DAZAP1: variants seen among roughly 807,000 people sequenced by gnomAD.
The protein encoded by DAZAP1 is DAZ associated protein 1, also known as DAZ-associated protein 1.
DAZAP1 carries 6 observed loss-of-function variants against 60.1 expected under a neutral mutation model. That is an observed-to-expected ratio of 0.10 (90% CI 0.05 to 0.20). The LOEUF (loss-of-function observed/expected upper bound fraction) is 0.20. Among genes scored for constraint, DAZAP1 ranks in the 10% least tolerant of loss-of-function variants. DAZAP1 has a pLI of 1.00. For missense variants in DAZAP1, 366 were observed against 560.4 expected (o/e 0.65, Z 3.50); for synonymous variants, 235 against 215.9 (o/e 1.09, Z -0.78).
At chr19:1,410,290 G>A (rs1020400694) in intron 1 of DAZAP1, among the ~76,000 whole-genome samples, 3 of 152,180 alleles carry the variant, frequency 2.0e-5, no homozygotes, top group Non-Finnish European at 2.9e-5. Flanking sequence ...AAGCGCATAC[G>A]TGTGGTGGGG....
Position 1,434,971 on chromosome 19 carries a change from TGACAATCACAA to T in DAZAP1, c.*60_*70del. On this transcript the variant is annotated 3_prime_UTR_variant, in exon 12 of 12. Coordinates refer to ENST00000233078, the MANE Select transcript of DAZAP1 (RefSeq NM_018959.4). This position sits in a 1 kb window ranked among gnomAD's most constrained non-coding sequence, Gnocchi z 8.0. The stretch of plus-strand genomic sequence containing the variant: ...CCAGGATTCCAAACTTGTGAACTCG[TGACAATCACAA>T]ACTTGGCGGCAAAGTGGCGACTCAA... 1.0e-6 allele frequency: 1 copy of T among 960,426 alleles called. No homozygotes were observed. The highest frequency in any genetic ancestry group is 1.2e-6 in the Non-Finnish European group (1 of 818,082). 59.5% of individuals were successfully genotyped at this position (960,426 alleles called of 1,614,324 possible).
rs547280839 is a variant in DAZAP1 at position 1,426,902 on chromosome 19, A to G, written c.546+942A>G. The G allele has an allele frequency of 5.3e-5, 8 of 152,256 alleles. No homozygotes were observed. The highest frequency in any genetic ancestry group is 1.7e-4 in the African/African-American group (7 of 41,550). The allele number at this position is 152,256 out of a possible 1,614,324, so 9.4% of individuals were successfully genotyped here. A position where few individuals can be genotyped will look rare whatever the true frequency, so the allele number is the denominator to read the frequency against. ...GACGCTTAGCCCCTCTGACAGGGCC[A>G]TGGTTGTTTTTTCAATTAAAATGTC... On this transcript the variant is annotated intron_variant, in intron 7 of 11. Coordinates refer to ENST00000233078, the MANE Select transcript of DAZAP1 (RefSeq NM_018959.4). The surrounding 1 kb of genome is among the most constrained non-coding windows in gnomAD (Gnocchi z 5.4).
In DAZAP1 at chr19:1,408,543, C is replaced by T. The variant is rs368259156; in HGVS notation, c.29+741C>T. Among the ~76,000 whole-genome samples the T allele has an allele frequency of 3.9e-5, 6 of 152,360 alleles. 1 individual carries two copies. The highest frequency in any genetic ancestry group is 1.3e-4 in the Admixed American group (2 of 15,306). On this transcript the variant is annotated intron_variant, in intron 1 of 11. Coordinates refer to ENST00000233078, the MANE Select transcript of DAZAP1 (RefSeq NM_018959.4). The stretch of plus-strand genomic sequence containing the variant: ...GGCTCCCCGCTCCCATCCCACCCCC[C>T]CAAAGTGGTAAGGTCGGGAGGGGTT...
At chr19:1,417,438 G>A in intron 1 of DAZAP1, 62 bp from the exon 2 acceptor site, 1 of 1,552,856 alleles carries the variant, frequency 6.4e-7, no homozygotes, top group East Asian at 2.4e-5. Flanking sequence ...GCTTGGCTTG[G>A]ATGGGGGCAT....
At chr19:1,407,944 G>T in intron 1 of DAZAP1, 142 bp downstream of exon 1, 1 of 749,272 alleles carries the variant, frequency 1.3e-6, no homozygotes, top group Non-Finnish European at 1.6e-6. Flanking sequence ...CGGACTCGCC[G>T]CGGCTTCGCG....
At chr19:1,410,346 C>A (rs779875060) in intron 1 of DAZAP1, among the ~76,000 whole-genome samples, 15 of 152,100 alleles carry the variant, frequency 9.9e-5, no homozygotes, top group Non-Finnish European at 2.2e-4. Flanking sequence ...GCACGCGGAC[C>A]CTACATGGTG....
In DAZAP1 at chr19:1,432,429, C is replaced by T. The variant is rs1022586976; in HGVS notation, c.872-85C>T. ...GGGTGGCAGTCCCGTCTGGGCAGCT[C>T]CTGCTGGGCTGGGTGTGGGTCTCCT... On this transcript the variant is annotated intron_variant, in intron 10 of 11. Transcript: ENST00000233078. The surrounding 1 kb of genome is among the most constrained non-coding windows in gnomAD (Gnocchi z 4.9). 4.5e-5 allele frequency: 65 copies of T among 1,451,496 alleles called. No individual in the cohort carries two copies. Among genetic ancestry groups the T allele is most frequent in the Admixed American group, 1.0e-4 (6 of 59,380 alleles). The allele number at this position is 1,451,496 out of a possible 1,614,324, so 89.9% of individuals were successfully genotyped here. A position where few individuals can be genotyped will look rare whatever the true frequency, so the allele number is the denominator to read the frequency against.
At chr19:1,417,944 G>A (rs1267157438) in intron 2 of DAZAP1, among the ~76,000 whole-genome samples, 4 of 152,206 alleles carry the variant, frequency 2.6e-5, no homozygotes, top group East Asian at 1.9e-4. Flanking sequence ...CTTAAACGTT[G>A]CCTTCCTGGA....
At chr19:1,415,392 TTG>T (rs1022163657) in intron 1 of DAZAP1, among the ~76,000 whole-genome samples, 14 of 133,412 alleles carry the variant, frequency 1.0e-4, no homozygotes, top group African/African-American at 1.9e-4. Context: ...TGTGTGTGTT[TTG>T]TTTTTTTTTT....
chr19:1,413,611 C>T (rs950713815), intron 1 of DAZAP1, among the ~76,000 whole-genome samples: 2 of 152,212 alleles, frequency 1.3e-5, no homozygotes, highest in Non-Finnish European at 2.9e-5. Flanking sequence ...GAAGCTTTAG[C>T]GTTAGAAGCT....
At chr19:1,410,129 AGTC>A (rs1211668630) in intron 1 of DAZAP1, 13 of 152,214 alleles carry the variant, frequency 8.5e-5, no homozygotes. Flanking sequence ...GAGTCTGAGA[AGTC>A]GTCCCAAGTT....
chr19:1,423,884 A>G lies in DAZAP1; in HGVS notation c.463+1488A>G, dbSNP rs2083230586. On this transcript the variant is annotated intron_variant, in intron 6 of 11. Coordinates refer to ENST00000233078, the MANE Select transcript of DAZAP1 (RefSeq NM_018959.4). This position sits in a 1 kb window ranked among gnomAD's most constrained non-coding sequence, Gnocchi z 6.8. ...ACGTGGCGAGTGTCGCTGAGTCCAC[A>G]CTGGTGTACAGAGCACTTCGGGGCC... Among the ~76,000 whole-genome samples, 1 of 152,106 alleles carries G rather than the reference A, an allele frequency of 6.6e-6. No homozygotes were observed. Among genetic ancestry groups the G allele is most frequent in the Non-Finnish European group, 1.5e-5 (1 of 67,996 alleles).
At chr19:1,415,012 A>C (rs924722056) in intron 1 of DAZAP1, among the ~76,000 whole-genome samples, 6 of 151,718 alleles carry the variant, frequency 4.0e-5, no homozygotes, top group Non-Finnish European at 8.8e-5. Context: ...GCTGGTCTTG[A>C]ACTCCTGGCC....
intron 4 of DAZAP1, among the ~76,000 whole-genome samples, chr19:1,419,300 G>A (rs1195170982): frequency 6.6e-6 from 1 of 152,228 alleles, no homozygotes; most frequent in Non-Finnish European, 1.5e-5. Context: ...AGCCTGGTGG[G>A]GCGGTGCAGA....
Position 1,433,990 on chromosome 19 carries a change from G to T in DAZAP1, c.1049-747G>T, listed in dbSNP as rs7259391. 2.5e-3 allele frequency: 1,617 copies of T among 651,846 alleles called. 14 individuals are homozygous for T. The highest frequency in any genetic ancestry group is 0.024 in the African/African-American group (1,324 of 54,918). The allele number at this position is 651,846 out of a possible 1,614,324, so 40.4% of individuals were successfully genotyped here. On this transcript the variant is annotated intron_variant, in intron 11 of 11. Transcript: ENST00000233078. The surrounding 1 kb of genome is among the most constrained non-coding windows in gnomAD (Gnocchi z 6.1). ...GGCCACAAGCCTTCAGCGGGCCCAG[G>T]ATCCCCCAGAGAGAGCCCACGCCCA...
In DAZAP1 at chr19:1,434,680, G is replaced by T. The variant is rs986710863; in HGVS notation, c.1049-57G>T. ...GAGCTGTGTCCAGGTGGCCTCGCTC[G>T]ACGGCAGTGCCAACCGCCCAGGGAC... On this transcript the variant is annotated intron_variant, in intron 11 of 11. Coordinates refer to ENST00000233078, the MANE Select transcript of DAZAP1 (RefSeq NM_018959.4). The surrounding 1 kb of genome is among the most constrained non-coding windows in gnomAD (Gnocchi z 8.0). The T allele has an allele frequency of 4.1e-5, 65 of 1,591,494 alleles. No individual in the cohort carries two copies. The highest frequency in any genetic ancestry group is 2.2e-4 in the Middle Eastern group (1 of 4,494).
chr19:1,417,187 A>G, intron 1 of DAZAP1: 1 of 422,302 alleles, frequency 2.4e-6, no homozygotes, highest in South Asian at 2.8e-5. Context: ...ACTTGGCAGC[A>G]GTGCAGGTGA....
In DAZAP1 at chr19:1,432,380, A is replaced by G. The variant is rs889075720; in HGVS notation, c.872-134A>G. 15 of 905,840 alleles carry G rather than the reference A, an allele frequency of 1.7e-5. No individual in the cohort carries two copies. The highest frequency in any genetic ancestry group is 2.5e-5 in the Non-Finnish European group (14 of 564,926). The allele number at this position is 905,840 out of a possible 1,614,324, so 56.1% of individuals were successfully genotyped here. A position where few individuals can be genotyped will look rare whatever the true frequency, so the allele number is the denominator to read the frequency against. ...TGTGGTCCATTCTGTGGATGTCCAC[A>G]AGGCCTGGGCGTTCTGTGGGTTTGG... On this transcript the variant is annotated intron_variant, in intron 10 of 11. Transcript: ENST00000233078. The surrounding 1 kb of genome is among the most constrained non-coding windows in gnomAD (Gnocchi z 4.9).
In DAZAP1 at chr19:1,426,102, G is replaced by C. The variant is rs937300335; in HGVS notation, c.546+142G>C. On this transcript the variant is annotated intron_variant, in intron 7 of 11. Coordinates refer to ENST00000233078, the MANE Select transcript of DAZAP1 (RefSeq NM_018959.4). The surrounding 1 kb of genome is among the most constrained non-coding windows in gnomAD (Gnocchi z 5.4). ...ACCTTTGCTGCGTGAGGTGGGCCTG[G>C]GTCTGTAGACGTGAGGAGGGTCCCA... 2 of 698,262 alleles carry C rather than the reference G, an allele frequency of 2.9e-6. No individual in the cohort carries two copies. The highest frequency in any genetic ancestry group is 5.2e-6 in the Non-Finnish European group (2 of 381,330). 43.3% of individuals were successfully genotyped at this position (698,262 alleles called of 1,614,324 possible). A position where few individuals can be genotyped will look rare whatever the true frequency, so the allele number is the denominator to read the frequency against.
Sources: allele counts gnomAD v4.1 joint callset (sites outside exome capture counted in the v4.1 genomes callset), GRCh38; gene constraint gnomAD v4.1.1; non-coding constraint Gnocchi (gnomAD v3.1); transcripts MANE v1.5; gene names NCBI Gene and HGNC (gene_info 2026-07-23, HGNC 2026-07-21).